UBE3A: variants seen among roughly 807,000 people sequenced by gnomAD.
The protein encoded by UBE3A is ubiquitin-protein ligase E3A.
A neutral mutation model predicts 83.4 loss-of-function variants in UBE3A; 6 were observed. The ratio of observed to expected loss-of-function variants is 0.07; its 90% CI spans 0.04 to 0.14. UBE3A has a LOEUF of 0.14. UBE3A is among the 10% of genes least tolerant of loss of function. The pLI is 1.00. For missense variants in UBE3A, 456 were observed against 1,036.1 expected (o/e 0.44, Z 7.69); for synonymous variants, 337 against 355.4 (o/e 0.95, Z 0.58).
At chr15:25,394,276 C>G (rs2152976305) in intron 4 of UBE3A, among the ~76,000 whole-genome samples, 1 of 152,286 alleles carries the variant, frequency 6.6e-6, no homozygotes, top group East Asian at 1.9e-4. Context: ...AATTTCTCTT[C>G]TGATACTGTC....
At chr15:25,391,172 G>T (rs182428294) in intron 4 of UBE3A, among the ~76,000 whole-genome samples, 2 of 152,118 alleles carry the variant, frequency 1.3e-5, no homozygotes. Flanking sequence ...TAAAAGAAAA[G>T]AAAGAAATTC....
At chr15:25,435,751 T>TA (rs1894869587) in intron 1 of UBE3A, among the ~76,000 whole-genome samples, 1 of 152,180 alleles carries the variant, frequency 6.6e-6, no homozygotes, top group African/African-American at 2.4e-5. Context: ...TGTTTTGTAA[T>TA]AGCAGCCAGA....
rs2152497794 is a variant in UBE3A at position 25,335,888 on chromosome 15, A to C, written c.*3249T>G. On this transcript the variant is annotated 3_prime_UTR_variant, in exon 13 of 13. Coordinates refer to ENST00000648336, the MANE Select transcript of UBE3A (RefSeq NM_130839.5). Reference sequence around the variant, plus strand: ...AACTGGGATGGAAAAACAAGTAGCCAGAGAAGCAACAGCCCAAGCTAGGGT... The same window carrying C: ...AACTGGGATGGAAAAACAAGTAGCCCGAGAAGCAACAGCCCAAGCTAGGGT... The C allele has an allele frequency of 6.6e-6, 1 of 152,348 alleles. No homozygotes were observed. 9.4% of individuals were successfully genotyped at this position (152,348 alleles called of 1,614,324 possible).
intron 1 of UBE3A, chr15:25,418,915 C>A (rs531302203): frequency 6.6e-6 from 1 of 152,250 alleles, no homozygotes; most frequent in East Asian, 1.9e-4. Context: ...ATCCCAAAAT[C>A]CAAGGATGCT....
At chr15:25,404,352 A>G (rs750081829) in intron 4 of UBE3A, among the ~76,000 whole-genome samples, 3 of 152,120 alleles carry the variant, frequency 2.0e-5, no homozygotes, top group Non-Finnish European at 4.4e-5. Context: ...TTCAAGGTCA[A>G]TCACTATATC....
chr15:25,376,295 G>C, intron 4 of UBE3A, among the ~76,000 whole-genome samples: 1 of 152,146 alleles, frequency 6.6e-6, no homozygotes, highest in Non-Finnish European at 1.5e-5. Flanking sequence ...CAACATGGGA[G>C]ACTTAAAAAT....
chr15:25,360,637 T>G, intron 6 of UBE3A, 110 bp from the exon 7 acceptor site: 2 of 1,307,872 alleles, frequency 1.5e-6, no homozygotes, highest in Non-Finnish European at 2.1e-6. Flanking sequence ...TTTTGACTTT[T>G]TGTATGTAAA....
chr15:25,425,233 C>T (rs1890994374), intron 1 of UBE3A, among the ~76,000 whole-genome samples: 1 of 151,948 alleles, frequency 6.6e-6, no homozygotes, highest in Non-Finnish European at 1.5e-5. Context: ...TGTATGATTC[C>T]CATTTATATG....
At chr15:25,360,719 A>C (rs1048890880) in intron 6 of UBE3A, among the ~76,000 whole-genome samples, 192 bp from the exon 7 acceptor site, 1 of 152,258 alleles carries the variant, frequency 6.6e-6, no homozygotes, top group African/African-American at 2.4e-5. Context: ...TCAAAAAGAC[A>C]GACACAAAAC....
chr15:25,371,911 G>T lies in UBE3A; in HGVS notation c.362-99C>A. 2 of 1,168,870 alleles carry T rather than the reference G, an allele frequency of 1.7e-6. No individual in the cohort carries two copies. The highest frequency in any genetic ancestry group is 2.4e-6 in the Non-Finnish European group (2 of 840,090). The allele number at this position is 1,168,870 out of a possible 1,614,324, so 72.4% of individuals were successfully genotyped here. On this transcript the variant is annotated intron_variant, in intron 5 of 12. Transcript: ENST00000648336. The surrounding 1 kb of genome is among the most constrained non-coding windows in gnomAD (Gnocchi z 5.3). ...AAAGTAAAACAGCCAAACATTCTAGGCTCAATATCATTTATGATATACAAC... is the reference window on the plus strand; with the variant it reads ...AAAGTAAAACAGCCAAACATTCTAGTCTCAATATCATTTATGATATACAAC...
At chr15:25,340,469 T>C (rs941484975) in intron 11 of UBE3A, among the ~76,000 whole-genome samples, 2 of 152,076 alleles carry the variant, frequency 1.3e-5, no homozygotes, top group Non-Finnish European at 2.9e-5. Context: ...TAGTAAAAAA[T>C]TGAGAAAACC....
intron 1 of UBE3A, among the ~76,000 whole-genome samples, chr15:25,428,134 A>G (rs1371573308): frequency 6.6e-6 from 1 of 152,178 alleles, no homozygotes; most frequent in Non-Finnish European, 1.5e-5. Flanking sequence ...TTATTGCTGA[A>G]CTGTACACTT....
intron 1 of UBE3A, among the ~76,000 whole-genome samples, chr15:25,435,659 T>C (rs1374791790): frequency 6.6e-6 from 1 of 152,060 alleles, no homozygotes; most frequent in African/African-American, 2.4e-5. Flanking sequence ...GTCAAATTTG[T>C]TGGTACCTTG....
rs587782916 is a variant in UBE3A, at chr15:25,370,680, C to A, written c.1494G>T (p.Met498Ile). ...GAACAGTGATTCTTCGTTCACTGTA[C>A]ATGCGAATTCTATTGTCATAATATA... The part of the protein sequence containing the change: ...LGLYYDNRIR[M>I]YSERRITVLY... The change falls in exon 6 of 13, where the codon ATG (methionine) becomes ATT (isoleucine). Residue 498 changes from methionine (M) to isoleucine (I), a missense_variant. Met to Ile is a conservative substitution (Grantham distance 10). This residue lies in a region of UBE3A where 58 missense variants were observed against 237.1 expected (regional missense o/e 0.24). Coordinates refer to ENST00000648336, the MANE Select transcript of UBE3A (RefSeq NM_130839.5). This position sits in a 1 kb window ranked among gnomAD's most constrained non-coding sequence, Gnocchi z 4.2. 6.2e-7 allele frequency: 1 copy of A among 1,614,084 alleles called. No homozygotes were observed. Among genetic ancestry groups the A allele is most frequent in the East Asian group, 2.2e-5 (1 of 44,848 alleles).
intron 11 of UBE3A, chr15:25,347,284 G>C (rs1333966769): frequency 1.3e-5 from 2 of 152,218 alleles, no homozygotes; most frequent in African/African-American, 4.8e-5. Flanking sequence ...AGTGGGGAAA[G>C]AGACCCAACT....
rs988457174 is a variant in UBE3A, at chr15:25,362,868, G to C, written c.1609-2341C>G. ...TACCTTTACATCCAAAGGTATACTT[G>C]CTTTTATCAAATATAATGTATTCCA... On this transcript the variant is annotated intron_variant, in intron 6 of 12. Transcript: ENST00000648336. 5.3e-5 allele frequency among the ~76,000 whole-genome samples: 8 copies of C among 152,060 alleles called. No individual in the cohort carries two copies. In the South Asian group the frequency reaches 6.2e-4, roughly 12 times the overall value.
At chr15:25,426,281 C>T (rs1424760745) in intron 1 of UBE3A, among the ~76,000 whole-genome samples, 1 of 152,126 alleles carries the variant, frequency 6.6e-6, no homozygotes, top group Non-Finnish European at 1.5e-5. Context: ...ATAAAGCATT[C>T]CTACTGGTCA....
Position 25,354,372 on chromosome 15 carries a change from T to G in UBE3A, c.2335A>C (p.Arg779=). ...CCTCACCTAATCAGAACAGAGTCCC[T>G]GGTATAGCCACCGTCATATTCTGTA... ...ETTEYDGGYT[R]DSVLIREFWE... is the part of the protein sequence containing the mutation. Residue 779 remains arginine, a synonymous_variant, in exon 11 of 13, where the codon AGG becomes CGG. Transcript: ENST00000648336. 2 of 1,613,634 alleles carry G rather than the reference T, an allele frequency of 1.2e-6. No homozygotes were observed. Among genetic ancestry groups the G allele is most frequent in the Non-Finnish European group, 1.7e-6 (2 of 1,179,904 alleles).
intron 11 of UBE3A, among the ~76,000 whole-genome samples, chr15:25,349,026 A>G (rs906265493): frequency 2.0e-5 from 3 of 152,244 alleles, no homozygotes; most frequent in Non-Finnish European, 4.4e-5. Flanking sequence ...GACTCACAGC[A>G]TCTGATTTGA....
Sources: gnomAD v4.1 joint callset for allele counts (sites outside exome capture counted in the v4.1 genomes callset) on GRCh38, gnomAD v4.1.1 for gene constraint, gnomAD v4.1.1 regional missense constraint, Gnocchi (gnomAD v3.1) non-coding constraint, MANE v1.5 for transcripts, NCBI Gene and HGNC (gene_info 2026-07-23, HGNC 2026-07-21) for gene names.